Variants in FRK observed in about 807,000 individuals in gnomAD.
FRK encodes fyn related Src family tyrosine kinase.
A neutral mutation model predicts 56.4 loss-of-function variants in FRK; 51 were observed. The observed-to-expected ratio is 0.90, with a 90% CI of 0.72 to 1.14. FRK has a LOEUF of 1.14. Ranked by LOEUF, FRK falls within the 50% of genes most tolerant of loss-of-function variation. FRK has a pLI of 0.00. For missense variants in FRK, 570 were observed against 601.4 expected (o/e 0.95, Z 0.55); for synonymous variants, 245 against 217.9 (o/e 1.12, Z -1.10).
chr6:116,040,446 A>G (rs1387839774), intron 1 of FRK, among the ~76,000 whole-genome samples: 1 of 152,212 alleles, frequency 6.6e-6, no homozygotes, highest in Non-Finnish European at 1.5e-5. Context: ...TTTATAGTTT[A>G]CTAACATACA....
In FRK at chr6:115,931,216, TAA is replaced by T. The variant is rs1246993164; in HGVS notation, c.*11196_*11197del. The T allele has an allele frequency of 1.3e-5, 2 of 152,216 alleles. No homozygotes were observed. The highest frequency in any genetic ancestry group is 2.4e-5 in the African/African-American group (1 of 41,456). The allele number at this position is 152,216 out of a possible 1,614,324, so 9.4% of individuals were successfully genotyped here. A position where few individuals can be genotyped will look rare whatever the true frequency, so the allele number is the denominator to read the frequency against. ...CTTGACTTCTGAAACAGTTGACTTTTAAAAGTCAGGGTAAAAATAATCACTTT... is the reference window on the plus strand; with the variant it reads ...CTTGACTTCTGAAACAGTTGACTTTTAAGTCAGGGTAAAAATAATCACTTT... On this transcript the variant is annotated 3_prime_UTR_variant, in exon 8 of 8. Transcript: ENST00000606080.
intron 4 of FRK, among the ~76,000 whole-genome samples, chr6:115,961,299 T>C (rs1481777484): frequency 2.7e-5 from 3 of 109,988 alleles, no homozygotes; most frequent in Non-Finnish European, 5.4e-5. Flanking sequence ...GTATCAGCAA[T>C]GGAAGATGAA....
chr6:115,972,504 C>T (rs957615415), intron 2 of FRK, among the ~76,000 whole-genome samples: 2 of 152,150 alleles, frequency 1.3e-5, no homozygotes, highest in African/African-American at 2.4e-5. Context: ...AAAGGGGGTT[C>T]CATAGTGTGC....
At chr6:115,956,178 T>G (rs745671468) in intron 5 of FRK, among the ~76,000 whole-genome samples, 2 of 152,228 alleles carry the variant, frequency 1.3e-5, no homozygotes, top group African/African-American at 4.8e-5. Context: ...ATGCTAAACA[T>G]CCATTCTTTA....
chr6:115,944,369 C>A lies in FRK; in HGVS notation c.1015G>T (p.Ala339Ser). 2 of 1,612,794 alleles carry A rather than the reference C, an allele frequency of 1.2e-6. No individual in the cohort carries two copies. Among genetic ancestry groups the A allele is most frequent in the Non-Finnish European group, 1.7e-6 (2 of 1,179,538 alleles). Reference sequence around the variant, plus strand: ...GACTCCAGATAGGCCATTCCAGAGGCAACCTGTGCCGCCATGTCTACCTGT... The same window carrying A: ...GACTCCAGATAGGCCATTCCAGAGGAAACCTGTGCCGCCATGTCTACCTGT... ...TQQVDMAAQV[A>S]SGMAYLESRN... is the part of the protein sequence containing the mutation. The change falls in exon 6 of 8, where the codon GCC becomes TCC. Residue 339 changes from alanine (A) to serine (S), a missense_variant. Physicochemically the swap from Ala to Ser is moderately conservative, Grantham distance 99. Transcript: ENST00000606080.
At chr6:116,069,973 T>C in the FRK span, among the ~76,000 whole-genome samples, 1 of 152,144 alleles carries the variant, frequency 6.6e-6, no homozygotes. Context: ...ACTCAATTTA[T>C]AGCTTGGTTC....
At chr6:115,953,114 A>G (rs889959358) in intron 5 of FRK, among the ~76,000 whole-genome samples, 15 of 149,438 alleles carry the variant, frequency 1.0e-4, no homozygotes, top group African/African-American at 3.7e-4. Flanking sequence ...AAAAAAAAAG[A>G]ATCTTTCATC....
chr6:116,080,270 C>T, the FRK span, among the ~76,000 whole-genome samples: 2 of 152,154 alleles, frequency 1.3e-5, no homozygotes, highest in African/African-American at 4.8e-5. Flanking sequence ...ATTATCCTGC[C>T]TCAACCTCCT....
rs185520383 is a variant in FRK at position 115,939,947 on chromosome 6, A to G, written c.*2467T>C. On this transcript the variant is annotated 3_prime_UTR_variant, in exon 8 of 8. Coordinates refer to ENST00000606080, the MANE Select transcript of FRK (RefSeq NM_002031.3). ...TCAGTGCTATCCCCATCAAACTACC[A>G]TTGACTTTCTTCACAGAATTGGAAA... 1.3e-5 allele frequency: 2 copies of G among 152,300 alleles called. No individual in the cohort carries two copies. The highest frequency in any genetic ancestry group is 1.3e-4 in the Admixed American group (2 of 15,294). The allele number at this position is 152,300 out of a possible 1,614,324, so 9.4% of individuals were successfully genotyped here.
intron 1 of FRK, among the ~76,000 whole-genome samples, chr6:116,018,184 T>C (rs1051012917): frequency 6.6e-6 from 1 of 152,214 alleles, no homozygotes; most frequent in African/African-American, 2.4e-5. Flanking sequence ...CATGTTTCTG[T>C]ATGCAAAGCA....
the FRK span, among the ~76,000 whole-genome samples, chr6:116,071,059 TGGG>T: frequency 6.6e-6 from 1 of 152,152 alleles, no homozygotes; most frequent in South Asian, 2.1e-4. Context: ...ATTGGTGCCT[TGGG>T]CCTTGGAAGA....
intron 2 of FRK, among the ~76,000 whole-genome samples, chr6:115,996,576 T>C (rs565673740): frequency 1.3e-5 from 2 of 152,152 alleles, no homozygotes; most frequent in Non-Finnish European, 2.9e-5. Flanking sequence ...ACACAGCAGA[T>C]AGGAGGATTA....
chr6:115,979,281 A>C (rs1349154559), intron 2 of FRK, among the ~76,000 whole-genome samples: 1 of 152,034 alleles, frequency 6.6e-6, no homozygotes, highest in East Asian at 1.9e-4. Flanking sequence ...CCTGACCCTG[A>C]CTAGTCCAAA....
intron 1 of FRK, chr6:116,039,097 T>G (rs373011452): frequency 3.8e-6 from 3 of 796,318 alleles, no homozygotes; most frequent in South Asian, 2.7e-5. Flanking sequence ...AAGTGGCCCA[T>G]GCTCTGGCAA....
intron 7 of FRK, 70 bp from the exon 8 acceptor site, chr6:115,942,695 G>A (rs537145641): frequency 1.5e-6 from 2 of 1,315,542 alleles, no homozygotes; most frequent in Admixed American, 3.7e-5. Flanking sequence ...TAAACTTATA[G>A]CCATTTATAC....
the FRK span, among the ~76,000 whole-genome samples, chr6:116,075,320 A>G: frequency 1.5e-4 from 23 of 152,122 alleles, no homozygotes; most frequent in Admixed American, 1.3e-4. Context: ...TATAGTATCT[A>G]CACCATATGG....
chr6:116,082,859 A>G, the FRK span, among the ~76,000 whole-genome samples: 2 of 152,170 alleles, frequency 1.3e-5, no homozygotes, highest in South Asian at 4.1e-4. Context: ...AAGTATAGAT[A>G]TATCTTTTAA....
intron 1 of FRK, among the ~76,000 whole-genome samples, chr6:116,019,525 A>G (rs771037946): frequency 6.6e-6 from 1 of 152,208 alleles, no homozygotes; most frequent in Non-Finnish European, 1.5e-5. Flanking sequence ...AAAGAATAAC[A>G]TTTGGATTCC....
Position 115,935,534 on chromosome 6 carries a change from G to C in FRK, c.*6880C>G, listed in dbSNP as rs1294476320. The C allele has an allele frequency of 6.5e-6, 1 of 152,738 alleles. No homozygotes were observed. Among genetic ancestry groups the C allele is most frequent in the African/African-American group, 2.4e-5 (1 of 41,488 alleles). 9.5% of individuals were successfully genotyped at this position (152,738 alleles called of 1,614,324 possible). A position where few individuals can be genotyped will look rare whatever the true frequency, so the allele number is the denominator to read the frequency against. On this transcript the variant is annotated 3_prime_UTR_variant, in exon 8 of 8. Coordinates refer to ENST00000606080, the MANE Select transcript of FRK (RefSeq NM_002031.3). ...CCCCTGGAAGGGGGGCTGAAGCCAG[G>C]GAGCCAAGTGGTCTAGCTTGGCGGG...
Sources: allele counts gnomAD v4.1 joint callset (sites outside exome capture counted in the v4.1 genomes callset), GRCh38; gene constraint gnomAD v4.1.1; transcripts MANE v1.5; gene names NCBI Gene and HGNC (gene_info 2026-07-23, HGNC 2026-07-21).